The following PCDHGA12 variants were observed in gnomAD, a reference collection of about 807,000 sequenced individuals.
The protein encoded by PCDHGA12 is protocadherin gamma subfamily A, 12.
PCDHGA12 carries 43 observed loss-of-function variants against 61.1 expected under a neutral mutation model. The ratio of observed to expected loss-of-function variants is 0.70; its 90% CI spans 0.55 to 0.91. PCDHGA12 has a LOEUF of 0.91. PCDHGA12 is among the 40% of genes least tolerant of loss of function. PCDHGA12 has a pLI of 0.00. For missense variants in PCDHGA12, 1,236 were observed against 1,227.7 expected, an observed-to-expected ratio of 1.01 and a Z score of -0.10; for synonymous variants, 520 against 542.9, an observed-to-expected ratio of 0.96 and a Z score of 0.59.
At chr5:141,436,793 C>T (rs752376420) in intron 1 of PCDHGA12, among the ~76,000 whole-genome samples, 4 of 152,178 alleles carry the variant, frequency 2.6e-5, no homozygotes, top group Non-Finnish European at 5.9e-5. Flanking sequence ...TAAAACTGTT[C>T]TAAAATTTTT....
chr5:141,446,191 T>C (rs2098492956), intron 1 of PCDHGA12, among the ~76,000 whole-genome samples: 1 of 152,206 alleles, frequency 6.6e-6, no homozygotes, highest in Non-Finnish European at 1.5e-5. Flanking sequence ...TGTTTATTAT[T>C]ATATTCCTAG....
At position 141,477,722 on chromosome 5, in the gene PCDHGA12, A is replaced by G. The variant is rs768705340; in HGVS notation, c.2425-17085A>G. 9.3e-6 allele frequency: 15 copies of G among 1,613,878 alleles called. No homozygotes were observed. In the Middle Eastern group the frequency reaches 6.6e-4, roughly 71 times the overall value. On this transcript the variant is annotated intron_variant, in intron 1 of 3. Transcript: ENST00000252085. The surrounding 1 kb of genome is among the most constrained non-coding windows in gnomAD (Gnocchi z 4.9). ...TGAGGATCGGCGGGAATTTGAATTA[A>G]CAGCTCATATCAGCGATGGGGGCAC...
intron 1 of PCDHGA12, among the ~76,000 whole-genome samples, chr5:141,449,594 A>T (rs2098647409): frequency 6.6e-6 from 1 of 150,814 alleles, no homozygotes; most frequent in Non-Finnish European, 1.5e-5. Context: ...GTCTCAAAAA[A>T]AAAAAAAAAA....
rs966009387 is a variant in PCDHGA12, at chr5:141,511,564, G to A, written c.*391G>A. The A allele has an allele frequency of 3.0e-5, 9 of 295,900 alleles. No individual in the cohort carries two copies. The highest frequency in any genetic ancestry group is 4.6e-5 in the Non-Finnish European group (7 of 151,798). The allele number at this position is 295,900 out of a possible 1,614,324, so 18.3% of individuals were successfully genotyped here. A position where few individuals can be genotyped will look rare whatever the true frequency, so the allele number is the denominator to read the frequency against. ...CCCACTCCAACAGTTCCTCTTTCCC[G>A]AGTAAGGTGGTTGGGGTGTTGAAGT... On this transcript the variant is annotated 3_prime_UTR_variant, in exon 4 of 4. Transcript: ENST00000252085.
chr5:141,491,666 G>A lies in PCDHGA12; in HGVS notation c.2425-3141G>A, dbSNP rs373526771. 9.4e-5 allele frequency: 152 copies of A among 1,613,614 alleles called. No homozygotes were observed. The highest frequency in any genetic ancestry group is 1.2e-4 in the Non-Finnish European group (142 of 1,180,016). The stretch of plus-strand genomic sequence containing the variant: ...CTGGCGCTGGAGCCTGACGCCATCC[G>A]GTCCCGCTCTAATACGCTGCGGGAG... On this transcript the variant is annotated intron_variant, in intron 1 of 3. Coordinates refer to ENST00000252085, the MANE Select transcript of PCDHGA12 (RefSeq NM_003735.3). This position sits in a 1 kb window ranked among gnomAD's most constrained non-coding sequence, Gnocchi z 6.9.
chr5:141,460,467 AG>A (rs1303418429), intron 1 of PCDHGA12, among the ~76,000 whole-genome samples: 1 of 152,114 alleles, frequency 6.6e-6, no homozygotes, highest in African/African-American at 2.4e-5. Flanking sequence ...TTTTTTCCAA[AG>A]GAATATCCAA....
At chr5:141,467,059 T>C (rs1157689140) in intron 1 of PCDHGA12, among the ~76,000 whole-genome samples, 2 of 151,064 alleles carry the variant, frequency 1.3e-5, no homozygotes, top group African/African-American at 2.4e-5. Context: ...TGTTTTCTTT[T>C]TTTTTTTTTT....
chr5:141,495,005 C>T (rs555909709), intron 2 of PCDHGA12, 140 bp downstream of exon 2: 1,141 of 1,522,692 alleles, frequency 7.5e-4, no homozygotes, highest in Non-Finnish European at 8.4e-4. Context: ...TCTTGGTGTG[C>T]GGGGGGCTGG....
rs771884610 is a variant in PCDHGA12, at chr5:141,491,436, G to T, written c.2425-3371G>T. 1 of 1,614,070 alleles carries T rather than the reference G, an allele frequency of 6.2e-7. No individual in the cohort carries two copies. ...ACGGGGGTGGAGGGCAGTGCTGCAGGCGCCAGGACTCACCCTCCCCGGACT... is the reference window on the plus strand; with the variant it reads ...ACGGGGGTGGAGGGCAGTGCTGCAGTCGCCAGGACTCACCCTCCCCGGACT... On this transcript the variant is annotated intron_variant, in intron 1 of 3. Coordinates refer to ENST00000252085, the MANE Select transcript of PCDHGA12 (RefSeq NM_003735.3). The surrounding 1 kb of genome is among the most constrained non-coding windows in gnomAD (Gnocchi z 6.9).
Position 141,485,365 on chromosome 5 carries a change from G to A in PCDHGA12, c.2425-9442G>A. 1 of 1,614,120 alleles carries A rather than the reference G, an allele frequency of 6.2e-7. No homozygotes were observed. Among genetic ancestry groups the A allele is most frequent in the Admixed American group, 1.7e-5 (1 of 60,018 alleles). ...CGGACAGTCTGTCAGCTCGCAGGCT[G>A]CAGGTCGCTGGAGAGGTGAACCAAA... On this transcript the variant is annotated intron_variant, in intron 1 of 3. Transcript: ENST00000252085. The surrounding 1 kb of genome is among the most constrained non-coding windows in gnomAD (Gnocchi z 5.7).
At chr5:141,479,651 C>CAAA (rs931031810) in intron 1 of PCDHGA12, 2 of 152,124 alleles carry the variant, frequency 1.3e-5, no homozygotes, top group African/African-American at 2.4e-5. Flanking sequence ...ACAACAACAA[C>CAAA]AATCCCAGAA....
rs1004176028 is a variant in PCDHGA12 at position 141,477,025 on chromosome 5, G to A, written c.2425-17782G>A. On this transcript the variant is annotated intron_variant, in intron 1 of 3. Transcript: ENST00000252085. This position sits in a 1 kb window ranked among gnomAD's most constrained non-coding sequence, Gnocchi z 4.9. ...TCGCCTTAGACCTTGTAACCGGGATGCTGACAATCAAGGGTCGGCTGGACT... is the reference window on the plus strand; with the variant it reads ...TCGCCTTAGACCTTGTAACCGGGATACTGACAATCAAGGGTCGGCTGGACT... 10 of 1,614,146 alleles carry A rather than the reference G, an allele frequency of 6.2e-6. No homozygotes were observed. Among genetic ancestry groups the A allele is most frequent in the East Asian group, 2.2e-5 (1 of 44,888 alleles).
intron 1 of PCDHGA12, among the ~76,000 whole-genome samples, chr5:141,467,047 A>G (rs1271306217): frequency 1.3e-5 from 2 of 149,986 alleles, no homozygotes; most frequent in East Asian, 3.9e-4. Context: ...GTAATGAATC[A>G]ATGTTTTCTT....
In PCDHGA12 at chr5:141,491,463, C is replaced by CT. The variant is rs765984397; in HGVS notation, c.2425-3343dup. The CT allele has an allele frequency of 6.2e-7, 1 of 1,614,112 alleles. No homozygotes were observed. Among genetic ancestry groups the CT allele is most frequent in the Non-Finnish European group, 8.5e-7 (1 of 1,180,010 alleles). ...GCCAGGACTCACCCTCCCCGGACTT[C>CT]TATAAGCAGTCCAGCCCCAACCTGC... On this transcript the variant is annotated intron_variant, in intron 1 of 3. Coordinates refer to ENST00000252085, the MANE Select transcript of PCDHGA12 (RefSeq NM_003735.3). This position sits in a 1 kb window ranked among gnomAD's most constrained non-coding sequence, Gnocchi z 6.9.
Position 141,432,026 on chromosome 5 carries a change from A to G in PCDHGA12, c.1267A>G (p.Thr423Ala), listed in dbSNP as rs1591124077. The change falls in exon 1 of 4, where the codon ACC (threonine) becomes GCC (alanine). Residue 423 changes from threonine (T) to alanine (A), a missense_variant. Coordinates refer to ENST00000252085, the MANE Select transcript of PCDHGA12 (RefSeq NM_003735.3). The surrounding 1 kb of genome is among the most constrained non-coding windows in gnomAD (Gnocchi z 6.0). ...EQVPSYNITV[T>A]ATDRGTPPLS... ...GGTTCCTAGCTACAACATCACAGTG[A>G]CCGCCACTGACCGGGGAACCCCGCC... The G allele has an allele frequency of 1.9e-6, 3 of 1,614,152 alleles. 1 individual carries two copies. Among genetic ancestry groups the G allele is most frequent in the Middle Eastern group, 3.3e-4 (2 of 6,062 alleles).
chr5:141,484,375 G>C (rs188702244), intron 1 of PCDHGA12, among the ~76,000 whole-genome samples: 2 of 152,258 alleles, frequency 1.3e-5, no homozygotes, highest in African/African-American at 4.8e-5. Flanking sequence ...ACTAGCAAAT[G>C]TCTGAATAAG....
intron 1 of PCDHGA12, chr5:141,439,815 T>C (rs1027862858): frequency 5.3e-5 from 8 of 152,314 alleles, no homozygotes; most frequent in African/African-American, 1.9e-4. Flanking sequence ...AAGGGGCTTA[T>C]TTGGGCTGGA....
chr5:141,509,298 C>A (rs974744333), intron 3 of PCDHGA12, among the ~76,000 whole-genome samples: 1 of 152,180 alleles, frequency 6.6e-6, no homozygotes, highest in Non-Finnish European at 1.5e-5. Flanking sequence ...AGGGTGGAGG[C>A]AGAGGGAGGC....
chr5:141,435,781 C>T (rs3828680), intron 1 of PCDHGA12, among the ~76,000 whole-genome samples: 81,882 of 151,942 alleles, frequency 0.54, 24,120 homozygotes, highest in African/African-American at 0.79. Flanking sequence ...TGTAAAGGTG[C>T]AGGGAAACAT....
Sources: gnomAD v4.1 joint callset for allele counts (sites outside exome capture counted in the v4.1 genomes callset) on GRCh38, gnomAD v4.1.1 for gene constraint, Gnocchi (gnomAD v3.1) non-coding constraint, MANE v1.5 for transcripts, NCBI Gene and HGNC (gene_info 2026-07-23, HGNC 2026-07-21) for gene names.